FAT3: variants seen among roughly 807,000 people sequenced by gnomAD.
The protein encoded by FAT3 is FAT atypical cadherin 3.
Under a neutral mutation model 310.2 loss-of-function variants are expected in FAT3, and 95 were observed. That is an observed-to-expected ratio of 0.31 (90% CI 0.26 to 0.36). FAT3 has a LOEUF of 0.36. Ranked by LOEUF, FAT3 falls within the 10% of genes least tolerant of loss-of-function variation. The pLI, the probability that FAT3 is intolerant of heterozygous loss-of-function variation, is 1.00. For missense variants in FAT3, 5,408 were observed against 5,715.6 expected (o/e 0.95, Z 1.74); for synonymous variants, 2,314 against 2,192.9 (o/e 1.06, Z -1.54).
intron 2 of FAT3, among the ~76,000 whole-genome samples, chr11:92,386,601 A>G (rs916014780): frequency 1.3e-5 from 2 of 152,228 alleles, no homozygotes; most frequent in South Asian, 4.1e-4. Context: ...AATATTCATT[A>G]GATAGTTGTT....
rs1454846869 is a variant in FAT3, at chr11:92,891,284, T to C, written c.*171T>C. 3 of 938,424 alleles carry C rather than the reference T, an allele frequency of 3.2e-6. No homozygotes were observed. The highest frequency in any genetic ancestry group is 5.7e-5 in the Admixed American group (2 of 35,248). 58.1% of individuals were successfully genotyped at this position (938,424 alleles called of 1,614,324 possible). A position where few individuals can be genotyped will look rare whatever the true frequency, so the allele number is the denominator to read the frequency against. On this transcript the variant is annotated 3_prime_UTR_variant, in exon 28 of 28. Transcript: ENST00000525166. ...TCCCAACAAGCAAGCTTGATTCCAG[T>C]TGGGTGAAAATGAAAGGCTCAGAAA...
chr11:92,691,351 G>A (rs1053093387), intron 3 of FAT3, among the ~76,000 whole-genome samples: 1 of 152,122 alleles, frequency 6.6e-6, no homozygotes, highest in Non-Finnish European at 1.5e-5. Flanking sequence ...AGATAAAAAG[G>A]AAACACTGAA....
intron 7 of FAT3, among the ~76,000 whole-genome samples, chr11:92,784,980 C>T (rs752478765): frequency 3.3e-5 from 5 of 151,668 alleles, no homozygotes; most frequent in Non-Finnish European, 7.4e-5. Context: ...TTCAAAGAAT[C>T]TAGTATGGTT....
chr11:92,524,597 T>G, intron 2 of FAT3, 37 bp from the exon 3 acceptor site: 1 of 1,583,002 alleles, frequency 6.3e-7, no homozygotes, highest in African/African-American at 1.4e-5. Flanking sequence ...TGTCTTCCCT[T>G]TCTCTGTGAC....
intron 3 of FAT3, among the ~76,000 whole-genome samples, chr11:92,563,572 T>G (rs1955309912): frequency 6.6e-6 from 1 of 152,196 alleles, no homozygotes; most frequent in Non-Finnish European, 1.5e-5. Context: ...TTACTCATTT[T>G]CACTGAGAAA....
intron 2 of FAT3, among the ~76,000 whole-genome samples, chr11:92,428,352 T>A (rs3018182): frequency 6.6e-6 from 1 of 152,100 alleles, no homozygotes; most frequent in African/African-American, 2.4e-5. Context: ...ATTGATTTTT[T>A]CCAAGGGTTC....
At chr11:92,825,438 G>T (rs1948077930) in intron 13 of FAT3, among the ~76,000 whole-genome samples, 1 of 152,178 alleles carries the variant, frequency 6.6e-6, no homozygotes, top group African/African-American at 2.4e-5. Context: ...GGAAATAACT[G>T]AGGAAATTAA....
intron 1 of FAT3, among the ~76,000 whole-genome samples, chr11:92,338,989 C>G (rs1948168050): frequency 6.6e-6 from 1 of 152,180 alleles, no homozygotes; most frequent in African/African-American, 2.4e-5. Context: ...GGAACATGAT[C>G]CCCAGAACCT....
chr11:92,618,561 C>T (rs371029037), intron 3 of FAT3, among the ~76,000 whole-genome samples: 2 of 152,208 alleles, frequency 1.3e-5, no homozygotes, highest in African/African-American at 4.8e-5. Flanking sequence ...GCGTGACTCA[C>T]GCTTGGAGCT....
rs772535265 is a variant in FAT3 at position 92,801,794 on chromosome 11, A to G, written c.8781A>G (p.Glu2927=). 5 of 1,613,922 alleles carry G rather than the reference A, an allele frequency of 3.1e-6. No individual in the cohort carries two copies. In the East Asian group the frequency reaches 6.7e-5, roughly 22 times the overall value. ...INDNAPVFAQ[E]VYRGNVKESD... ...ACAATGCACCAGTCTTCGCGCAGGA[A>G]GTGTACCGAGGGAATGTGAAGGAGA... Residue 2927 remains glutamate (E), a synonymous_variant, in exon 10 of 28, where the codon GAA becomes GAG. Coordinates refer to ENST00000525166, the MANE Select transcript of FAT3 (RefSeq NM_001367949.2).
At chr11:92,458,091 C>T (rs577788862) in intron 2 of FAT3, among the ~76,000 whole-genome samples, 1 of 152,246 alleles carries the variant, frequency 6.6e-6, no homozygotes, top group East Asian at 1.9e-4. Context: ...TTCTAGTTTT[C>T]CCTAACATAT....
chr11:92,353,201 C>T lies in FAT3; in HGVS notation c.1089C>T (p.Tyr363=), dbSNP rs1023038105. 2.5e-6 allele frequency: 4 copies of T among 1,613,782 alleles called. No homozygotes were observed. In the Admixed American group the frequency reaches 6.7e-5, roughly 27 times the overall value. The change falls in exon 2 of 28, where the codon TAC becomes TAT. Residue 363 remains tyrosine (Y), a synonymous_variant. Coordinates refer to ENST00000525166, the MANE Select transcript of FAT3 (RefSeq NM_001367949.2). ...AATGTTCAGCATTAAAGGCAGTCTACATTGGCAACCCCACAAGAGACACTG... is the reference window on the plus strand; with the variant it reads ...AATGTTCAGCATTAAAGGCAGTCTATATTGGCAACCCCACAAGAGACACTG... ...PQKCSALKAV[Y]IGNPTRDTVP...
intron 3 of FAT3, among the ~76,000 whole-genome samples, chr11:92,694,623 A>G (rs932269867): frequency 3.9e-5 from 6 of 152,184 alleles, no homozygotes; most frequent in Non-Finnish European, 7.3e-5. Context: ...GCACAGCCAC[A>G]CCACAATGGG....
rs1191370727 is a variant in FAT3, at chr11:92,894,926, T to C, written c.*3813T>C. ...CTACCATCAGTCCTCTCCTACTTAC[T>C]TCCCACCCCACCCTATCCACTACCC... is the stretch of plus-strand genomic sequence containing the variant. On this transcript the variant is annotated 3_prime_UTR_variant, in exon 28 of 28. Coordinates refer to ENST00000525166, the MANE Select transcript of FAT3 (RefSeq NM_001367949.2). The C allele has an allele frequency of 6.6e-6, 1 of 152,194 alleles. No homozygotes were observed. The highest frequency in any genetic ancestry group is 1.5e-5 in the Non-Finnish European group (1 of 68,034). The allele number at this position is 152,194 out of a possible 1,614,324, so 9.4% of individuals were successfully genotyped here.
chr11:92,484,496 G>A (rs1018126713), intron 2 of FAT3, among the ~76,000 whole-genome samples: 1 of 152,162 alleles, frequency 6.6e-6, no homozygotes, highest in African/African-American at 2.4e-5. Context: ...ATCGTTCTGG[G>A]AAAGGGCGAT....
At chr11:92,347,459 G>C (rs1185599071) in intron 1 of FAT3, among the ~76,000 whole-genome samples, 1 of 152,186 alleles carries the variant, frequency 6.6e-6, no homozygotes. Flanking sequence ...AATACCTTTG[G>C]TAGTGTTCAG....
At chr11:92,564,741 A>C (rs1031124685) in intron 3 of FAT3, among the ~76,000 whole-genome samples, 5 of 151,190 alleles carry the variant, frequency 3.3e-5, no homozygotes, top group Non-Finnish European at 5.9e-5. Context: ...CTCACTCAAA[A>C]CCACTCAACT....
intron 3 of FAT3, among the ~76,000 whole-genome samples, chr11:92,579,990 A>C (rs1033041568): frequency 6.6e-6 from 1 of 152,144 alleles, no homozygotes; most frequent in African/African-American, 2.4e-5. Context: ...ATAGGCTAGA[A>C]TATTACATAA....
chr11:92,294,668 CT>C (rs10714164), intron 1 of FAT3, among the ~76,000 whole-genome samples: 105,456 of 149,294 alleles, frequency 0.71, 37,479 homozygotes, highest in African/African-American at 0.8. Context: ...CTGATTTTGC[CT>C]TTTTTTTTTT....
Sources: allele counts gnomAD v4.1 joint callset (sites outside exome capture counted in the v4.1 genomes callset), GRCh38; gene constraint gnomAD v4.1.1; transcripts MANE v1.5; gene names NCBI Gene and HGNC (gene_info 2026-07-23, HGNC 2026-07-21).